Variants in NRXN3 observed in about 807,000 individuals in gnomAD.
The protein encoded by NRXN3 is neurexin III.
A neutral mutation model predicts 137.6 loss-of-function variants in NRXN3; 32 were observed. The ratio of observed to expected loss-of-function variants is 0.23; its 90% CI spans 0.18 to 0.31. NRXN3 has a LOEUF of 0.31. NRXN3 is among the 10% of genes least tolerant of loss of function. The pLI is 1.00. For missense variants in NRXN3, 1,574 were observed against 2,062.5 expected (o/e 0.76, Z 4.59); for synonymous variants, 798 against 784.5 (o/e 1.02, Z -0.29).
At chr14:78,883,204 A>G (rs2099134308) in intron 10 of NRXN3, among the ~76,000 whole-genome samples, 3 of 152,214 alleles carry the variant, frequency 2.0e-5, no homozygotes, top group African/African-American at 7.2e-5. Flanking sequence ...GAATAAACTA[A>G]TATATAAGCC....
At chr14:79,465,512 C>G (rs527637190) in intron 15 of NRXN3, among the ~76,000 whole-genome samples, 4 of 152,276 alleles carry the variant, frequency 2.6e-5, no homozygotes, top group African/African-American at 9.6e-5. Flanking sequence ...CTGTATGCCT[C>G]AGAATTTAAT....
intron 15 of NRXN3, among the ~76,000 whole-genome samples, chr14:79,311,723 G>A (rs1598571839): frequency 1.1e-5 from 1 of 87,678 alleles, no homozygotes; most frequent in Non-Finnish European, 2.2e-5. Flanking sequence ...TATTTGCGTA[G>A]AGGTGTTTGT....
chr14:79,390,456 T>C (rs1354357735), intron 15 of NRXN3, among the ~76,000 whole-genome samples: 1 of 152,122 alleles, frequency 6.6e-6, no homozygotes, highest in East Asian at 1.9e-4. Flanking sequence ...GTAAGTTGAA[T>C]CATACTTTCC....
intron 10 of NRXN3, among the ~76,000 whole-genome samples, chr14:78,817,237 C>T (rs939872581): frequency 2.6e-5 from 4 of 152,134 alleles, no homozygotes; most frequent in Non-Finnish European, 5.9e-5. Context: ...CAAGTTGCTT[C>T]AACTCTTAGT....
At chr14:79,259,410 TGTCAGCATTTGTA>T (rs1020463279) in intron 15 of NRXN3, among the ~76,000 whole-genome samples, 1 of 152,032 alleles carries the variant, frequency 6.6e-6, no homozygotes, top group African/African-American at 2.4e-5. Context: ...CTTGTTCTGT[TGTCAGCATTTGTA>T]GTCAGCATTT....
In NRXN3 at chr14:79,580,435, GTTT is replaced by G. The variant is rs60451542; in HGVS notation, c.3445-83329_3445-83327del. Among the ~76,000 whole-genome samples the G allele has an allele frequency of 1.6e-4, 22 of 138,700 alleles. No individual in the cohort carries two copies. In the East Asian group the frequency reaches 3.7e-3, roughly 24 times the overall value. 91.0% of individuals were successfully genotyped at this position (138,700 alleles called of 152,430 possible). ...TTTTCTCTATAGCACAAAAGATTAT[GTTT>G]TTTTTTTTTTTTTCATAACTCAGCA... On this transcript the variant is annotated intron_variant, in intron 16 of 20. Coordinates refer to ENST00000335750, the MANE Select transcript of NRXN3 (RefSeq NM_001330195.2).
chr14:79,789,002 A>T (rs530997416), intron 19 of NRXN3, among the ~76,000 whole-genome samples: 1 of 152,354 alleles, frequency 6.6e-6, no homozygotes, highest in South Asian at 2.1e-4. Context: ...AACATTTAAT[A>T]GTCAGTATGT....
chr14:79,497,970 G>A (rs944777519), intron 16 of NRXN3, among the ~76,000 whole-genome samples: 11 of 152,110 alleles, frequency 7.2e-5, no homozygotes, highest in Non-Finnish European at 1.2e-4. Context: ...GGATGCAGAG[G>A]TTGTGGTGAG....
chr14:78,194,713 C>G (rs1335024069), intron 1 of NRXN3, among the ~76,000 whole-genome samples: 2 of 152,164 alleles, frequency 1.3e-5, no homozygotes, highest in African/African-American at 4.8e-5. Context: ...AGGCGGATGG[C>G]TACGGACAGG....
chr14:78,771,008 G>A (rs2098725922), intron 8 of NRXN3, among the ~76,000 whole-genome samples: 1 of 152,208 alleles, frequency 6.6e-6, no homozygotes, highest in South Asian at 2.1e-4. Flanking sequence ...TTTAGCAGAA[G>A]TCTCCTGTGG....
chr14:78,442,001 C>G (rs896961323), intron 4 of NRXN3, among the ~76,000 whole-genome samples: 5 of 151,054 alleles, frequency 3.3e-5, no homozygotes, highest in African/African-American at 1.2e-4. Flanking sequence ...GAGGCTGAGG[C>G]AGGAGAATGG....
intron 16 of NRXN3, among the ~76,000 whole-genome samples, chr14:79,514,577 G>T (rs2096964241): frequency 6.6e-6 from 1 of 152,064 alleles, no homozygotes; most frequent in African/African-American, 2.4e-5. Flanking sequence ...GTAGAGATGG[G>T]TGCATCATGT....
At position 79,264,966 on chromosome 14, in the gene NRXN3, A is replaced by G. The variant is rs1419547062; in HGVS notation, c.3263-202255A>G. On this transcript the variant is annotated intron_variant, in intron 15 of 20. Coordinates refer to ENST00000335750, the MANE Select transcript of NRXN3 (RefSeq NM_001330195.2). ...ATATACACGCATGTATATATCTAGT[A>G]TATATGTGTGTGTATATATACATTT... is the stretch of plus-strand genomic sequence containing the variant. 2.6e-5 allele frequency among the ~76,000 whole-genome samples: 4 copies of G among 152,126 alleles called. No homozygotes were observed. In the South Asian group the frequency reaches 8.3e-4, roughly 32 times the overall value.
rs150131576 is a variant in NRXN3, at chr14:78,777,809, C to G, written c.2045-25811C>G. On this transcript the variant is annotated intron_variant, in intron 8 of 20. Transcript: ENST00000335750. ...ACAGAGTCTCGTTCTGTCACCCAGG[C>G]TGGAGTGCAGTGGCACCATCTCAGC... Among the ~76,000 whole-genome samples, 355 of 152,258 alleles carry G rather than the reference C, an allele frequency of 2.3e-3. 1 individual carries two copies. The highest frequency in any genetic ancestry group is 4.1e-3 in the Non-Finnish European group (276 of 68,022).
chr14:79,694,369 A>C (rs79957760), intron 18 of NRXN3, among the ~76,000 whole-genome samples: 2,711 of 152,074 alleles, frequency 0.018, 67 homozygotes, highest in African/African-American at 0.062. Flanking sequence ...TTGATGTCCA[A>C]ATGAGGTAAT....
intron 8 of NRXN3, among the ~76,000 whole-genome samples, chr14:78,800,742 A>G (rs2098836231): frequency 6.6e-6 from 1 of 152,190 alleles, no homozygotes; most frequent in Admixed American, 6.5e-5. Context: ...GGACCCTTCA[A>G]TGTGGTCTGC....
chr14:78,469,628 C>T (rs2095215325), intron 4 of NRXN3, among the ~76,000 whole-genome samples: 1 of 152,172 alleles, frequency 6.6e-6, no homozygotes, highest in Admixed American at 6.5e-5. Context: ...GGATCAACAC[C>T]TGGTGTTTGA....
intron 16 of NRXN3, among the ~76,000 whole-genome samples, chr14:79,556,428 G>A (rs1247437273): frequency 6.6e-6 from 1 of 152,146 alleles, no homozygotes; most frequent in Non-Finnish European, 1.5e-5. Flanking sequence ...TAGAAACATG[G>A]CAAATGGATA....
At chr14:78,603,042 C>T (rs1172602445) in intron 4 of NRXN3, among the ~76,000 whole-genome samples, 1 of 152,086 alleles carries the variant, frequency 6.6e-6, no homozygotes, top group African/African-American at 2.4e-5. Flanking sequence ...CATTTCTTGG[C>T]ACTTTTTTTG....
Sources: allele counts gnomAD v4.1 joint callset (sites outside exome capture counted in the v4.1 genomes callset), GRCh38; gene constraint gnomAD v4.1.1; transcripts MANE v1.5; gene names NCBI Gene and HGNC (gene_info 2026-07-23, HGNC 2026-07-21).